The following AKT3 variants were observed in gnomAD, a reference collection of about 807,000 sequenced individuals.
AKT3 encodes RAC-gamma serine/threonine-protein kinase.
A neutral mutation model predicts 65.3 loss-of-function variants in AKT3; 15 were observed. The ratio of observed to expected loss-of-function variants is 0.23; its 90% CI spans 0.15 to 0.35. The LOEUF (loss-of-function observed/expected upper bound fraction) is 0.35, where lower values mean the gene tolerates loss of function less well. Among genes scored for constraint, AKT3 ranks in the 10% least tolerant of loss-of-function variants. AKT3 has a pLI of 1.00. For synonymous variants in AKT3, 206 were observed against 183.8 expected (o/e 1.12, Z -0.98); for missense variants, 243 against 576.5 (o/e 0.42, Z 5.92).
At chr1:243,771,182 G>C (rs1259920570) in intron 2 of AKT3, among the ~76,000 whole-genome samples, 1 of 152,126 alleles carries the variant, frequency 6.6e-6, no homozygotes, top group Non-Finnish European at 1.5e-5. Flanking sequence ...CCTCTTCTCT[G>C]AATCTTTCCC....
chr1:243,506,615 G>A (rs1424382993), intron 13 of AKT3, among the ~76,000 whole-genome samples: 1 of 152,180 alleles, frequency 6.6e-6, no homozygotes, highest in Non-Finnish European at 1.5e-5. Context: ...CTAGAAATGG[G>A]ATCAAGCTGG....
intron 2 of AKT3, among the ~76,000 whole-genome samples, chr1:243,704,920 T>C (rs1230445088): frequency 6.6e-6 from 1 of 152,132 alleles, no homozygotes; most frequent in Non-Finnish European, 1.5e-5. Flanking sequence ...TCTGGGTCAC[T>C]GAGATGTTTG....
intron 4 of AKT3, among the ~76,000 whole-genome samples, chr1:243,657,960 C>T (rs970047798): frequency 2.0e-5 from 3 of 151,986 alleles, no homozygotes; most frequent in African/African-American, 7.3e-5. Context: ...TATTTTACAC[C>T]ACACACAAAA....
rs533681376 is a variant in AKT3, at chr1:243,650,358, C to T, written c.285-4321G>A. 5.9e-5 allele frequency among the ~76,000 whole-genome samples: 9 copies of T among 152,286 alleles called. No individual in the cohort carries two copies. The South Asian group carries it at 1.2e-3, about 21-fold the overall frequency. On this transcript the variant is annotated intron_variant, in intron 4 of 13. Coordinates refer to ENST00000673466, the MANE Select transcript of AKT3 (RefSeq NM_005465.7). Reference sequence around the variant, plus strand: ...AAATTTTCTCCCATTCTGTAGGCTGCCTGTTCTCTCTGATGATAGTTTCTT... The same window carrying T: ...AAATTTTCTCCCATTCTGTAGGCTGTCTGTTCTCTCTGATGATAGTTTCTT...
At chr1:243,581,064 T>A (rs1371954586) in intron 8 of AKT3, among the ~76,000 whole-genome samples, 1 of 152,048 alleles carries the variant, frequency 6.6e-6, no homozygotes, top group Admixed American at 6.6e-5. Flanking sequence ...GTTTAGACCA[T>A]CCCCTATCCC....
chr1:243,801,898 A>C (rs1258892988), intron 2 of AKT3, among the ~76,000 whole-genome samples: 1 of 152,240 alleles, frequency 6.6e-6, no homozygotes, highest in Admixed American at 6.5e-5. Flanking sequence ...AAACTGAAGA[A>C]GGCCAACCGA....
intron 6 of AKT3, among the ~76,000 whole-genome samples, chr1:243,619,064 CATT>C (rs1424551138): frequency 6.6e-6 from 1 of 152,106 alleles, no homozygotes; most frequent in African/African-American, 2.4e-5. Context: ...ACTCTGCTCA[CATT>C]ATTTTCTCCA....
chr1:243,670,043 C>T (rs2147938264), intron 3 of AKT3, among the ~76,000 whole-genome samples: 1 of 152,304 alleles, frequency 6.6e-6, no homozygotes, highest in South Asian at 2.1e-4. Flanking sequence ...ACACACCATA[C>T]TACTGATCAT....
rs1212280283 is a variant in AKT3, at chr1:243,509,387, C to T, written c.1354+2937G>A. On this transcript the variant is annotated intron_variant, in intron 13 of 13. Coordinates refer to ENST00000673466, the MANE Select transcript of AKT3 (RefSeq NM_005465.7). ...CAAATTCTCATCAGGACAAGTGCCC[C>T]GCGGGTGTCGAGTAAGGAATAAAGC... Among the ~76,000 whole-genome samples the T allele has an allele frequency of 7.2e-5, 11 of 152,018 alleles. No homozygotes were observed. The East Asian group carries it at 7.7e-4, about 11-fold the overall frequency.
At chr1:243,748,644 T>A (rs1157094736) in intron 2 of AKT3, among the ~76,000 whole-genome samples, 2 of 152,196 alleles carry the variant, frequency 1.3e-5, no homozygotes, top group African/African-American at 4.8e-5. Flanking sequence ...GTGATTAAGA[T>A]AATAAAAATA....
intron 3 of AKT3, among the ~76,000 whole-genome samples, chr1:243,691,063 T>G (rs1263236491): frequency 6.6e-6 from 1 of 152,086 alleles, no homozygotes; most frequent in Non-Finnish European, 1.5e-5. Context: ...ATAATAGATT[T>G]AAGAAGGGCA....
At chr1:243,492,280 C>T (rs1465356196) in intron 13 of AKT3, among the ~76,000 whole-genome samples, 5 of 142,146 alleles carry the variant, frequency 3.5e-5, no homozygotes, top group South Asian at 2.3e-4. Context: ...CTCAAGCTCT[C>T]GGCTCGTTTC....
chr1:243,758,696 T>C (rs947151879), intron 2 of AKT3, among the ~76,000 whole-genome samples: 3 of 152,170 alleles, frequency 2.0e-5, no homozygotes, highest in African/African-American at 7.2e-5. Context: ...TTAGAGTTAG[T>C]AAGGAGCGTG....
chr1:243,572,588 T>G (rs985381213), intron 9 of AKT3, among the ~76,000 whole-genome samples: 2 of 152,220 alleles, frequency 1.3e-5, no homozygotes, highest in Non-Finnish European at 2.9e-5. Context: ...TCCAATAGTC[T>G]TACTATGTTT....
chr1:243,497,203 C>G (rs1376032862), downstream of AKT3, among the ~76,000 whole-genome samples: 1 of 152,138 alleles, frequency 6.6e-6, no homozygotes, highest in Non-Finnish European at 1.5e-5. Flanking sequence ...GCTTCTGTCT[C>G]GGTCAGAGAA....
At chr1:243,730,363 C>T (rs924891285) in intron 2 of AKT3, among the ~76,000 whole-genome samples, 21 of 152,280 alleles carry the variant, frequency 1.4e-4, no homozygotes, top group South Asian at 2.1e-4. Context: ...CAGTTGTCCA[C>T]GTAACCTCAT....
At chr1:243,770,284 T>TG (rs1473431679) in intron 2 of AKT3, among the ~76,000 whole-genome samples, 2 of 152,160 alleles carry the variant, frequency 1.3e-5, no homozygotes, top group Non-Finnish European at 2.9e-5. Flanking sequence ...ATAGAATTTC[T>TG]GGGGTAGGAA....
intron 2 of AKT3, among the ~76,000 whole-genome samples, chr1:243,821,845 C>T (rs535118569): frequency 6.6e-6 from 1 of 152,232 alleles, no homozygotes; most frequent in Admixed American, 6.5e-5. Context: ...GACTTTAACA[C>T]CCCACCATCA....
chr1:243,681,618 T>C (rs1302374341), intron 3 of AKT3, among the ~76,000 whole-genome samples: 3 of 152,172 alleles, frequency 2.0e-5, no homozygotes, highest in Non-Finnish European at 1.5e-5. Flanking sequence ...ATTAACCCAC[T>C]GGGTGATACG....
Sources: allele counts gnomAD v4.1 joint callset (sites outside exome capture counted in the v4.1 genomes callset), GRCh38; gene constraint gnomAD v4.1.1; transcripts MANE v1.5; gene names NCBI Gene and HGNC (gene_info 2026-07-23, HGNC 2026-07-21).